Variants in EVI2A observed in about 807,000 individuals in gnomAD.
The protein encoded by EVI2A is ecotropic viral integration site 2A.
EVI2A carries 11 observed loss-of-function variants against 13.0 expected under a neutral mutation model. The observed-to-expected ratio is 0.85, with a 90% CI of 0.53 to 1.40. EVI2A has a LOEUF of 1.40. Among genes scored for constraint, EVI2A ranks in the 40% most tolerant of loss-of-function variants. EVI2A has a pLI of 0.00. For synonymous variants in EVI2A, 89 were observed against 98.0 expected (o/e 0.91, Z 0.54); for missense variants, 267 against 279.5 (o/e 0.96, Z 0.32).
At chr17:31,320,256 T>G in intron 1 of EVI2A, 150 of 717,058 alleles carry the variant, frequency 2.1e-4, no homozygotes, top group Non-Finnish European at 2.9e-4. Flanking sequence ...ATTGTTCTCC[T>G]GAGATTTACT....
chr17:31,318,367 G>C lies in EVI2A; in HGVS notation c.647C>G (p.Thr216Arg), dbSNP rs373535159. ...NLVMQSTGVL[T>R]ATRERKDEEG... Reference sequence around the variant, plus strand: ...TTCATCTTTTCTTTCCCTTGTAGCTGTGAGCACTCCAGTAGATTGCATCAC... The same window carrying C: ...TTCATCTTTTCTTTCCCTTGTAGCTCTGAGCACTCCAGTAGATTGCATCAC... Residue 216 changes from threonine to arginine, a missense_variant, in exon 2 of 2, where the codon ACA becomes AGA. Thr to Arg is a moderately conservative substitution (Grantham distance 71). Coordinates refer to ENST00000462804, the MANE Select transcript of EVI2A (RefSeq NM_014210.4). The C allele has an allele frequency of 3.1e-6, 5 of 1,613,834 alleles. No homozygotes were observed. In the South Asian group the frequency reaches 4.4e-5, roughly 14 times the overall value.
At position 31,318,340 on chromosome 17, in the gene EVI2A, T is replaced by A; in HGVS notation, c.674A>T (p.Glu225Val). 1 of 1,610,832 alleles carries A rather than the reference T, an allele frequency of 6.2e-7. No homozygotes were observed. The highest frequency in any genetic ancestry group is 1.1e-5 in the South Asian group (1 of 90,344). The change falls in exon 2 of 2, where the codon GAA (glutamate) becomes GTA (valine). Residue 225 changes from glutamate (E) to valine (V), a missense_variant. Physicochemically the swap from Glu to Val is moderately radical, Grantham distance 121. Transcript: ENST00000462804. The part of the protein sequence containing the change: ...LTATRERKDE[E>V]GTEKLTNKQI... Reference sequence around the variant, plus strand: ...TTTGTTAGTAAGTTTTTCAGTTCCTTCTTCATCTTTTCTTTCCCTTGTAGC... The same window carrying A: ...TTTGTTAGTAAGTTTTTCAGTTCCTACTTCATCTTTTCTTTCCCTTGTAGC...
chr17:31,318,138 A>G lies in EVI2A; in HGVS notation c.*165T>C, dbSNP rs1368870411. ...GTCAAAACAAAAGTACACAGTTTAA[A>G]TAATTAAGCAGGCATACTTCTCCCT... On this transcript the variant is annotated 3_prime_UTR_variant, in exon 2 of 2. Transcript: ENST00000462804. 18 of 775,800 alleles carry G rather than the reference A, an allele frequency of 2.3e-5. No individual in the cohort carries two copies. Among genetic ancestry groups the G allele is most frequent in the Non-Finnish European group, 3.4e-5 (17 of 504,792 alleles). 48.1% of individuals were successfully genotyped at this position (775,800 alleles called of 1,614,324 possible).
chr17:31,318,712 C>T lies in EVI2A; in HGVS notation c.302G>A (p.Ser101Asn). 5.0e-6 allele frequency: 8 copies of T among 1,614,060 alleles called. No homozygotes were observed. The highest frequency in any genetic ancestry group is 6.8e-6 in the Non-Finnish European group (8 of 1,179,992). The change falls in exon 2 of 2, where the codon AGC (serine) becomes AAC (asparagine). Residue 101 changes from serine (S) to asparagine (N), a missense_variant. Transcript: ENST00000462804. ...EQELYIPSVV[S>N]NSPSTVQSIE... ...GCTCTGTACTGTTGAAGGACTGTTG[C>T]TGACGACAGAAGGTATATAAAGCTC...
rs190686411 is a variant in EVI2A, at chr17:31,320,793, G to T, written c.-11+702C>A. On this transcript the variant is annotated intron_variant, in intron 1 of 1. Coordinates refer to ENST00000462804, the MANE Select transcript of EVI2A (RefSeq NM_014210.4). Reference sequence around the variant, plus strand: ...ATATTTCATGATTCTTCCACAAAAAGAAATACTTGAAATTGGATTAGCAAG... The same window carrying T: ...ATATTTCATGATTCTTCCACAAAAATAAATACTTGAAATTGGATTAGCAAG... 9.5e-4 allele frequency among the ~76,000 whole-genome samples: 144 copies of T among 152,278 alleles called. 1 individual carries two copies. The highest frequency in any genetic ancestry group is 1.8e-4 in the Non-Finnish European group (12 of 67,990).
In EVI2A at chr17:31,318,055, C is replaced by T; in HGVS notation, c.*248G>A. The T allele has an allele frequency of 6.8e-6, 3 of 439,222 alleles. No individual in the cohort carries two copies. Among genetic ancestry groups the T allele is most frequent in the Admixed American group, 4.0e-5 (1 of 24,808 alleles). 27.2% of individuals were successfully genotyped at this position (439,222 alleles called of 1,614,324 possible). ...TATTAATCAGTTTCCTCAATTTATC[C>T]TTAAAATTTTCCTCAAATGCTTAGT... On this transcript the variant is annotated 3_prime_UTR_variant, in exon 2 of 2. Transcript: ENST00000462804.
At position 31,316,721 on chromosome 17, in the gene EVI2A, A is replaced by C. The variant is rs1190997471; in HGVS notation, c.*1582T>G. 6.6e-6 allele frequency among the ~76,000 whole-genome samples: 1 copy of C among 152,192 alleles called. No individual in the cohort carries two copies. The highest frequency in any genetic ancestry group is 1.5e-5 in the Non-Finnish European group (1 of 68,034). ...CCTGATTTCAGTCACCATGACTGGC[A>C]TGAATATTCTCATGCTTTCCTTTTT... is the stretch of plus-strand genomic sequence containing the variant. On this transcript the variant is annotated 3_prime_UTR_variant, in exon 2 of 2. Transcript: ENST00000462804.
At chr17:31,320,615 A>G (rs2069161465) in intron 1 of EVI2A, 1 of 491,932 alleles carries the variant, frequency 2.0e-6, no homozygotes, top group Non-Finnish European at 3.6e-6. Flanking sequence ...TATATTTCAT[A>G]TTAATAGTAG....
chr17:31,320,267 A>G (rs2069146486), intron 1 of EVI2A: 1 of 817,016 alleles, frequency 1.2e-6, no homozygotes. Flanking sequence ...GAGATTTACT[A>G]AATGAAATTG....
intron 1 of EVI2A, among the ~76,000 whole-genome samples, chr17:31,320,201 A>G (rs759474689): frequency 2.0e-5 from 3 of 152,126 alleles, no homozygotes; most frequent in Admixed American, 1.3e-4. Flanking sequence ...TGAAAGGAGT[A>G]TTTTATTGTT....
At chr17:31,319,868 A>G (rs1254966136) in intron 1 of EVI2A, among the ~76,000 whole-genome samples, 1 of 151,988 alleles carries the variant, frequency 6.6e-6, no homozygotes. Context: ...TGATTTTGAC[A>G]TAATTGTAAA....
chr17:31,317,272 G>A lies in EVI2A; in HGVS notation c.*1031C>T, dbSNP rs2069044471. ...TTGTAATATATTTAATTGAAGATGG[G>A]GGGGTTCTCAACTTAAATGTAAGTC... On this transcript the variant is annotated 3_prime_UTR_variant, in exon 2 of 2. Transcript: ENST00000462804. Among the ~76,000 whole-genome samples, 1 of 151,766 alleles carries A rather than the reference G, an allele frequency of 6.6e-6. No individual in the cohort carries two copies. Among genetic ancestry groups the A allele is most frequent in the Admixed American group, 6.6e-5 (1 of 15,208 alleles).
chr17:31,318,430 G>A lies in EVI2A; in HGVS notation c.584C>T (p.Thr195Ile). ...ASGLWPAESDTWKRTKQLTGP... is the reference protein window; with the variant it reads ...ASGLWPAESDIWKRTKQLTGP... ...TGTGAGCTGTTTTGTTCTTTTCCAA[G>A]TGTCTGATTCAGCGGGCCATAGACC... The change falls in exon 2 of 2, where the codon ACT becomes ATT. Residue 195 changes from threonine (T) to isoleucine (I), a missense_variant. Physicochemically the swap from Thr to Ile is moderately conservative, Grantham distance 89. Transcript: ENST00000462804. 1 of 1,613,974 alleles carries A rather than the reference G, an allele frequency of 6.2e-7. No individual in the cohort carries two copies. The highest frequency in any genetic ancestry group is 8.5e-7 in the Non-Finnish European group (1 of 1,180,000).
Position 31,318,692 on chromosome 17 carries a change from G to T in EVI2A, c.322C>A (p.Gln108Lys), listed in dbSNP as rs1352496812. The T allele has an allele frequency of 5.8e-5, 93 of 1,613,956 alleles. No individual in the cohort carries two copies. The highest frequency in any genetic ancestry group is 7.5e-5 in the Non-Finnish European group (88 of 1,179,994). Residue 108 changes from glutamine to lysine, a missense_variant, in exon 2 of 2, where the codon CAG (glutamine) becomes AAG (lysine). Coordinates refer to ENST00000462804, the MANE Select transcript of EVI2A (RefSeq NM_014210.4). The part of the protein sequence containing the change: ...SVVSNSPSTV[Q>K]SIENTSKSHG... ...CTTTTGCTTGTGTTTTCAATGCTCT[G>T]TACTGTTGAAGGACTGTTGCTGACG...
At chr17:31,321,111 G>A (rs138703693) in intron 1 of EVI2A, 154 of 152,258 alleles carry the variant, frequency 1.0e-3, no homozygotes, top group African/African-American at 3.3e-3. Flanking sequence ...TGCCTTGGAG[G>A]CCAGGTTGTG....
chr17:31,318,636 A>G lies in EVI2A; in HGVS notation c.378T>C (p.Cys126=), dbSNP rs201146715. 45 of 1,614,120 alleles carry G rather than the reference A, an allele frequency of 2.8e-5. No homozygotes were observed. In the African/African-American group the frequency reaches 5.7e-4, roughly 21 times the overall value. The part of the protein sequence containing the change: ...SHGEIFKKDV[C]AENNNNMAML... ...TAGCCATGTTGTTGTTGTTTTCCGCACAGACATCCTTTTTGAAAATTTCAC... is the reference window on the plus strand; with the variant it reads ...TAGCCATGTTGTTGTTGTTTTCCGCGCAGACATCCTTTTTGAAAATTTCAC... The change falls in exon 2 of 2, where the codon TGT becomes TGC. Residue 126 remains cysteine (C), a synonymous_variant. Coordinates refer to ENST00000462804, the MANE Select transcript of EVI2A (RefSeq NM_014210.4).
At chr17:31,320,340 AT>A in intron 1 of EVI2A, 3 of 1,425,006 alleles carry the variant, frequency 2.1e-6, no homozygotes, top group East Asian at 2.4e-5. Flanking sequence ...GAGTCCTTTT[AT>A]TTAAAAAAAA....
chr17:31,321,608 T>C lies in EVI2A; in HGVS notation c.-124A>G, dbSNP rs541820093. On this transcript the variant is annotated 5_prime_UTR_variant, in exon 1 of 2. Coordinates refer to ENST00000462804, the MANE Select transcript of EVI2A (RefSeq NM_014210.4). The stretch of plus-strand genomic sequence containing the variant: ...TGGAGAATATGAGCCTTAAAGTAAA[T>C]CTGCAGTAAAAAAGGATATGTGCAG... The C allele has an allele frequency of 1.1e-4, 17 of 152,032 alleles. No individual in the cohort carries two copies. The highest frequency in any genetic ancestry group is 3.9e-4 in the African/African-American group (16 of 41,426). The allele number at this position is 152,032 out of a possible 1,614,324, so 9.4% of individuals were successfully genotyped here. A position where few individuals can be genotyped will look rare whatever the true frequency, so the allele number is the denominator to read the frequency against.
At position 31,317,576 on chromosome 17, in the gene EVI2A, A is replaced by T. The variant is rs1241410948; in HGVS notation, c.*727T>A. The T allele has an allele frequency of 1.3e-5, 2 of 152,102 alleles. No homozygotes were observed. Among genetic ancestry groups the T allele is most frequent in the African/African-American group, 2.4e-5 (1 of 41,422 alleles). 9.4% of individuals were successfully genotyped at this position (152,102 alleles called of 1,614,324 possible). A position where few individuals can be genotyped will look rare whatever the true frequency, so the allele number is the denominator to read the frequency against. The stretch of plus-strand genomic sequence containing the variant: ...CACTTAGCCTATTGGTGTGGCTATA[A>T]ATCTTATTTATTTTAGTTGTGCTCT... On this transcript the variant is annotated 3_prime_UTR_variant, in exon 2 of 2. Coordinates refer to ENST00000462804, the MANE Select transcript of EVI2A (RefSeq NM_014210.4).
Sources: gnomAD v4.1 joint callset for allele counts (sites outside exome capture counted in the v4.1 genomes callset) on GRCh38, gnomAD v4.1.1 for gene constraint, MANE v1.5 for transcripts, NCBI Gene and HGNC (gene_info 2026-07-23, HGNC 2026-07-21) for gene names.